The following SLC12A7 variants were observed in gnomAD, a reference collection of about 807,000 sequenced individuals.
The protein encoded by SLC12A7 is solute carrier family 12 member 7, also known as K-Cl cotransporter 4.
Under a neutral mutation model 120.6 loss-of-function variants are expected in SLC12A7, and 100 were observed. The ratio of observed to expected loss-of-function variants is 0.83; its 90% CI spans 0.71 to 0.98. The LOEUF (loss-of-function observed/expected upper bound fraction) is 0.98, where lower values mean the gene tolerates loss of function less well. Ranked by LOEUF, SLC12A7 falls within the 50% of genes least tolerant of loss-of-function variation. The pLI, the probability that SLC12A7 is intolerant of heterozygous loss-of-function variation, is 0.00. For missense variants in SLC12A7, 1,373 were observed against 1,548.1 expected (o/e 0.89, Z 1.90); for synonymous variants, 760 against 678.0 (o/e 1.12, Z -1.88).
At chr5:1,073,468 G>C (rs937420161) in intron 17 of SLC12A7, among the ~76,000 whole-genome samples, 165 bp downstream of exon 17, 1 of 152,324 alleles carries the variant, frequency 6.6e-6, no homozygotes, top group East Asian at 1.9e-4. Flanking sequence ...GGTGCTCCCA[G>C]GCCTTAGCGC....
In SLC12A7 at chr5:1,076,298, C is replaced by T. The variant is rs555031167; in HGVS notation, c.1749-62G>A. On this transcript the variant is annotated intron_variant, in intron 13 of 23. Coordinates refer to ENST00000264930, the MANE Select transcript of SLC12A7 (RefSeq NM_006598.3). ...GGCCCCCCTGAGCCCCCAGTCACTG[C>T]CACCTGGGAGACCACCCTTGTCACT... The T allele has an allele frequency of 2.8e-5, 39 of 1,379,984 alleles. 1 individual carries two copies. The South Asian group carries it at 4.4e-4, about 16-fold the overall frequency. 85.5% of individuals were successfully genotyped at this position (1,379,984 alleles called of 1,614,324 possible).
chr5:1,086,902 C>G lies in SLC12A7; in HGVS notation c.675+1G>C, dbSNP rs1481450454. ...GAACCCTTCCAAAGCAGCACACTTA[C>G]CAGAAAAATCTCGATGGTCCCCAAA... On this transcript the variant is annotated splice_donor_variant, in intron 6 of 23. Transcript: ENST00000264930. LOFTEE classifies it high-confidence loss of function. The G allele has an allele frequency of 8.7e-6, 14 of 1,612,392 alleles. No individual in the cohort carries two copies. The highest frequency in any genetic ancestry group is 1.3e-5 in the African/African-American group (1 of 74,934).
intron 16 of SLC12A7, 21 bp downstream of exon 16, chr5:1,074,546 C>T (rs745396037): frequency 8.1e-6 from 13 of 1,598,804 alleles, no homozygotes; most frequent in African/African-American, 6.7e-5. Context: ...CTGAGGACCA[C>T]GGGGCATGGG....
the SLC12A7 span, among the ~76,000 whole-genome samples, chr5:1,151,922 A>C: frequency 6.6e-6 from 1 of 151,760 alleles, no homozygotes; most frequent in African/African-American, 2.4e-5. The surrounding 1 kb of genome is among the most constrained non-coding windows in gnomAD (Gnocchi z 6.2). Context: ...TGGATCTGGG[A>C]CCCCGCTGAA....
intron 1 of SLC12A7, among the ~76,000 whole-genome samples, chr5:1,094,449 C>A (rs1377959676): frequency 6.6e-6 from 1 of 152,186 alleles, no homozygotes; most frequent in Non-Finnish European, 1.5e-5. Context: ...CCAGGGTGCA[C>A]GCTAGTCCCA....
rs778573705 is a variant in SLC12A7 at position 1,074,538 on chromosome 5, G to A, written c.2072+29C>T. The A allele has an allele frequency of 8.8e-6, 14 of 1,590,562 alleles. No individual in the cohort carries two copies. In the South Asian group the frequency reaches 1.3e-4, roughly 15 times the overall value. On this transcript the variant is annotated intron_variant, in intron 16 of 23. Coordinates refer to ENST00000264930, the MANE Select transcript of SLC12A7 (RefSeq NM_006598.3). ...TCAGAAACAGCTCTTCTGTGCGTCT[G>A]AGGACCACGGGGCATGGGCGGTGCT...
chr5:1,092,327 G>T (rs575733212), intron 3 of SLC12A7, among the ~76,000 whole-genome samples: 5 of 152,340 alleles, frequency 3.3e-5, no homozygotes, highest in Admixed American at 1.3e-4. Flanking sequence ...CAGAGCCCAG[G>T]CTGGGAGGAT....
chr5:1,062,801 A>G (rs539342376), intron 20 of SLC12A7: 29 of 154,466 alleles, frequency 1.9e-4, no homozygotes, highest in Non-Finnish European at 3.7e-4. Flanking sequence ...GACAGTCTCT[A>G]TCCAGCTTTA....
chr5:1,084,163 GGGGACCGGGGACTGGGGACCA>G (rs1413987881), intron 7 of SLC12A7, among the ~76,000 whole-genome samples: 49 of 151,782 alleles, frequency 3.2e-4, no homozygotes, highest in African/African-American at 1.1e-3. Context: ...GGATCACACT[GGGGACCGGGGACTGGGGACCA>G]GGGACCGGGG....
chr5:1,089,851 C>A (rs973656499), intron 3 of SLC12A7, among the ~76,000 whole-genome samples: 9 of 152,064 alleles, frequency 5.9e-5, no homozygotes, highest in African/African-American at 9.7e-5. Context: ...CAGCTCCACT[C>A]GGGACGGGCC....
intron 16 of SLC12A7, 128 bp downstream of exon 16, chr5:1,074,439 C>G: frequency 1.2e-6 from 1 of 814,740 alleles, no homozygotes; most frequent in African/African-American, 1.7e-5. Flanking sequence ...GCAGTGTTCA[C>G]ACCCCAGACC....
chr5:1,118,307 A>G, the SLC12A7 span, among the ~76,000 whole-genome samples: 1 of 152,212 alleles, frequency 6.6e-6, no homozygotes, highest in African/African-American at 2.4e-5. Context: ...TCTGGGCAGC[A>G]GGCAAGGTGA....
chr5:1,067,400 G>C (rs1281846335), intron 17 of SLC12A7, among the ~76,000 whole-genome samples: 1 of 152,214 alleles, frequency 6.6e-6, no homozygotes, highest in African/African-American at 2.4e-5. Context: ...GAAGAAGGCA[G>C]GAAGTGTGGC....
At position 1,080,236 on chromosome 5, in the gene SLC12A7, ACACCAG is replaced by A. The variant is rs1738869999; in HGVS notation, c.1298-746_1298-741del. Among the ~76,000 whole-genome samples the A allele has an allele frequency of 7.8e-4, 2 of 2,576 alleles. 1 individual carries two copies. The highest frequency in any genetic ancestry group is 0.14 in the South Asian group (2 of 14). The allele number at this position is 2,576 out of a possible 152,430, so 1.7% of individuals were successfully genotyped here. A position where few individuals can be genotyped will look rare whatever the true frequency, so the allele number is the denominator to read the frequency against. On this transcript the variant is annotated intron_variant, in intron 9 of 23. Coordinates refer to ENST00000264930, the MANE Select transcript of SLC12A7 (RefSeq NM_006598.3). ...CACGCCCTCCACCCGCGGCGCGGAG[ACACCAG>A]GAGCCACGCAGAGGCTCTGCCCCCA...
At chr5:1,091,691 C>G (rs139229248) in intron 3 of SLC12A7, among the ~76,000 whole-genome samples, 5,937 of 152,220 alleles carry the variant, frequency 0.039, 143 homozygotes, top group Non-Finnish European at 0.061. Context: ...GTACTGAGTG[C>G]TGAGCCCGGC....
rs1356360745 is a variant in SLC12A7, at chr5:1,076,134, T to C, written c.1847+4A>G. 1 of 1,608,704 alleles carries C rather than the reference T, an allele frequency of 6.2e-7. No homozygotes were observed. The highest frequency in any genetic ancestry group is 8.5e-7 in the Non-Finnish European group (1 of 1,177,852). On this transcript the variant is annotated splice_donor_region_variant and intron_variant, in intron 14 of 23. Coordinates refer to ENST00000264930, the MANE Select transcript of SLC12A7 (RefSeq NM_006598.3). ...CTCCTCACGCCCGTGCTGAGTGGCC[T>C]CACCAGTGGTAGAACTTGAAGCGTG...
the SLC12A7 span, among the ~76,000 whole-genome samples, chr5:1,138,546 C>T: frequency 1.3e-5 from 2 of 152,200 alleles, no homozygotes; most frequent in Non-Finnish European, 2.9e-5. Flanking sequence ...CCTCTGTGTG[C>T]CTCTCTCCTC....
At chr5:1,141,015 C>G in the SLC12A7 span, among the ~76,000 whole-genome samples, 6 of 152,342 alleles carry the variant, frequency 3.9e-5, no homozygotes, top group South Asian at 1.2e-3. Flanking sequence ...TATACCAATA[C>G]GCTCGGGCCG....
intron 17 of SLC12A7, among the ~76,000 whole-genome samples, chr5:1,068,871 G>A (rs551920076): frequency 3.3e-5 from 5 of 152,370 alleles, no homozygotes; most frequent in South Asian, 4.1e-4. Context: ...CCTGTCCCTC[G>A]TGCGCACAGA....
Sources: allele counts gnomAD v4.1 joint callset (sites outside exome capture counted in the v4.1 genomes callset), GRCh38; gene constraint gnomAD v4.1.1; non-coding constraint Gnocchi (gnomAD v3.1); transcripts MANE v1.5; gene names NCBI Gene and HGNC (gene_info 2026-07-23, HGNC 2026-07-21).